ZNF92: variants seen among roughly 807,000 people sequenced by gnomAD.
ZNF92 encodes the protein epididymis luminal protein 203.
ZNF92 carries 11 observed loss-of-function variants against 12.4 expected under a neutral mutation model. That is an observed-to-expected ratio of 0.89 (90% CI 0.56 to 1.47). ZNF92 has a LOEUF of 1.47. ZNF92 is among the 40% of genes most tolerant of loss of function. The pLI is 0.00. For missense variants in ZNF92, 622 were observed against 681.0 expected (o/e 0.91, Z 0.96); for synonymous variants, 206 against 228.6 (o/e 0.90, Z 0.89).
intron 1 of ZNF92, among the ~76,000 whole-genome samples, chr7:65,374,675 C>T (rs1261032478): frequency 6.6e-6 from 1 of 151,914 alleles, no homozygotes; most frequent in African/African-American, 2.4e-5. Context: ...TTTGTTCCCT[C>T]GGTGTTATTT....
At chr7:65,385,547 A>G (rs915378046) in intron 1 of ZNF92, among the ~76,000 whole-genome samples, 3 of 152,140 alleles carry the variant, frequency 2.0e-5, no homozygotes, top group African/African-American at 2.4e-5. Flanking sequence ...AGAGTGCCCC[A>G]TATTTCCATT....
In ZNF92 at chr7:65,400,011, G is replaced by A. The variant is rs1584295667; in HGVS notation, c.*136G>A. 2.2e-5 allele frequency: 17 copies of A among 766,090 alleles called. No individual in the cohort carries two copies. Among genetic ancestry groups the A allele is most frequent in the Middle Eastern group, 4.0e-4 (1 of 2,506 alleles). 47.5% of individuals were successfully genotyped at this position (766,090 alleles called of 1,614,324 possible). A position where few individuals can be genotyped will look rare whatever the true frequency, so the allele number is the denominator to read the frequency against. Reference sequence around the variant, plus strand: ...GATTGTAGGTAAGATAATTTATATTGGAGAAAAATCCTCCAAGTATGAAGA... The same window carrying A: ...GATTGTAGGTAAGATAATTTATATTAGAGAAAAATCCTCCAAGTATGAAGA... On this transcript the variant is annotated 3_prime_UTR_variant, in exon 4 of 4. Coordinates refer to ENST00000328747, the MANE Select transcript of ZNF92 (RefSeq NM_152626.4).
chr7:65,390,022 G>A (rs1274571965), intron 3 of ZNF92, among the ~76,000 whole-genome samples: 2 of 151,964 alleles, frequency 1.3e-5, no homozygotes, highest in African/African-American at 4.8e-5. Flanking sequence ...TAGTAGAGAT[G>A]GGGTTTCACC....
intron 1 of ZNF92, among the ~76,000 whole-genome samples, chr7:65,385,915 A>G (rs1182937530): frequency 6.6e-6 from 1 of 151,990 alleles, no homozygotes; most frequent in African/African-American, 2.4e-5. Context: ...CTGGAATGCC[A>G]TGTGTTTAGT....
intron 3 of ZNF92, among the ~76,000 whole-genome samples, chr7:65,390,777 C>T (rs1051745397): frequency 6.6e-6 from 1 of 151,912 alleles, no homozygotes; most frequent in Non-Finnish European, 1.5e-5. Context: ...AACTGTGGCT[C>T]AGAGAGTTGG....
At chr7:65,387,101 G>C (rs1393034686) in intron 1 of ZNF92, among the ~76,000 whole-genome samples, 1 of 151,242 alleles carries the variant, frequency 6.6e-6, no homozygotes, top group Non-Finnish European at 1.5e-5. Context: ...CACCATGCCC[G>C]GCTAATTTTT....
In ZNF92 at chr7:65,399,938, C is replaced by T; in HGVS notation, c.*63C>T. ...TCTAAACATAAACCATATTGGTGCC[C>T]TAGAAATGTGAGGAATATGACAAGG... On this transcript the variant is annotated 3_prime_UTR_variant, in exon 4 of 4. Transcript: ENST00000328747. 2 of 1,379,754 alleles carry T rather than the reference C, an allele frequency of 1.4e-6. No homozygotes were observed. The highest frequency in any genetic ancestry group is 2.0e-6 in the Non-Finnish European group (2 of 1,020,670). The allele number at this position is 1,379,754 out of a possible 1,614,324, so 85.5% of individuals were successfully genotyped here. A position where few individuals can be genotyped will look rare whatever the true frequency, so the allele number is the denominator to read the frequency against.
chr7:65,396,436 A>T (rs1282081979), intron 3 of ZNF92, among the ~76,000 whole-genome samples: 4 of 152,016 alleles, frequency 2.6e-5, no homozygotes, highest in African/African-American at 9.7e-5. Context: ...TTAAAGTTAA[A>T]ACATTTTCTA....
chr7:65,376,290 T>G (rs185766930), intron 1 of ZNF92, among the ~76,000 whole-genome samples: 1 of 152,232 alleles, frequency 6.6e-6, no homozygotes, highest in African/African-American at 2.4e-5. Context: ...TTATTTTGAC[T>G]TTCATTTTAT....
chr7:65,395,315 A>G (rs977491261), intron 3 of ZNF92, among the ~76,000 whole-genome samples: 2 of 152,114 alleles, frequency 1.3e-5, no homozygotes, highest in African/African-American at 4.8e-5. Context: ...TTGAAATCCC[A>G]GAGTGTTGGG....
intron 1 of ZNF92, among the ~76,000 whole-genome samples, chr7:65,382,533 G>T (rs1304142323): frequency 6.6e-6 from 1 of 151,982 alleles, no homozygotes; most frequent in Non-Finnish European, 1.5e-5. Flanking sequence ...ATCTAGTCCT[G>T]TATAATCACA....
At chr7:65,381,024 T>G (rs1793396535) in intron 1 of ZNF92, among the ~76,000 whole-genome samples, 2 of 152,174 alleles carry the variant, frequency 1.3e-5, no homozygotes, top group South Asian at 4.1e-4. Context: ...TTTTTTCTTT[T>G]CTTTTTGGAG....
At chr7:65,390,236 A>C (rs917374413) in intron 3 of ZNF92, among the ~76,000 whole-genome samples, 4 of 152,144 alleles carry the variant, frequency 2.6e-5, no homozygotes, top group African/African-American at 9.7e-5. Context: ...ATCTACAAAC[A>C]GCAACTTTTT....
chr7:65,400,698 C>T lies in ZNF92; in HGVS notation c.*823C>T, dbSNP rs1026874026. ...GATTTATAATTACATTCAAAGTATA[C>T]TTTTTTCTTGAAAAAAATTACAGAT... On this transcript the variant is annotated 3_prime_UTR_variant, in exon 4 of 4. Transcript: ENST00000328747. The T allele has an allele frequency of 2.6e-5, 4 of 151,716 alleles. No homozygotes were observed. Among genetic ancestry groups the T allele is most frequent in the African/African-American group, 7.3e-5 (3 of 41,318 alleles). 9.4% of individuals were successfully genotyped at this position (151,716 alleles called of 1,614,324 possible). A position where few individuals can be genotyped will look rare whatever the true frequency, so the allele number is the denominator to read the frequency against.
intron 2 of ZNF92, 113 bp downstream of exon 2, chr7:65,388,141 T>G: frequency 8.2e-7 from 1 of 1,222,482 alleles, no homozygotes. Context: ...AGATCCCAGT[T>G]TTCAAGAAAA....
At position 65,398,390 on chromosome 7, in the gene ZNF92, A is replaced by G. The variant is rs1174720967; in HGVS notation, c.276A>G (p.Lys92=). 6.2e-7 allele frequency: 1 copy of G among 1,603,618 alleles called. No individual in the cohort carries two copies. The highest frequency in any genetic ancestry group is 8.5e-7 in the Non-Finnish European group (1 of 1,176,698). ...ATGTTTGGCCAGAGCACAGCATAAA[A>G]GATTCTTTCCAAAAAGTGATACTGA... ...AQDVWPEHSI[K]DSFQKVILRT... is the part of the protein sequence containing the mutation. The change falls in exon 4 of 4, where the codon AAA becomes AAG. Residue 92 remains lysine (K), a synonymous_variant. Transcript: ENST00000328747.
At chr7:65,389,327 T>C (rs1013114643) in intron 3 of ZNF92, among the ~76,000 whole-genome samples, 14 of 152,024 alleles carry the variant, frequency 9.2e-5, no homozygotes, top group Non-Finnish European at 2.1e-4. Flanking sequence ...CCTGAAACTT[T>C]TATTTTGCTC....
chr7:65,399,436 C>G lies in ZNF92; in HGVS notation c.1322C>G (p.Thr441Ser). 1.2e-6 allele frequency: 2 copies of G among 1,611,432 alleles called. No homozygotes were observed. Among genetic ancestry groups the G allele is most frequent in the Middle Eastern group, 1.7e-4 (1 of 6,048 alleles). ...GKAFSWSSAF[T>S]KHKRNHMEDK... is the part of the protein sequence containing the mutation. ...GCCTTTAGCTGGTCCTCAGCTTTTA[C>G]TAAACATAAGAGAAATCATATGGAA... is the stretch of plus-strand genomic sequence containing the variant. The change falls in exon 4 of 4, where the codon ACT becomes AGT. Residue 441 changes from threonine to serine, a missense_variant. Transcript: ENST00000328747.
chr7:65,390,460 G>A lies in ZNF92; in HGVS notation c.226+1559G>A, dbSNP rs1793682853. ...TGTTGGGTTCCCACGGTGATGGGAT[G>A]CCCTCTGGGTTTGTAGTGGAGAGGG... On this transcript the variant is annotated intron_variant, in intron 3 of 3. Transcript: ENST00000328747. 1.3e-5 allele frequency among the ~76,000 whole-genome samples: 2 copies of A among 152,152 alleles called. 1 individual carries two copies. The highest frequency in any genetic ancestry group is 3.9e-4 in the East Asian group (2 of 5,190).
Sources: gnomAD v4.1 joint callset for allele counts (sites outside exome capture counted in the v4.1 genomes callset) on GRCh38, gnomAD v4.1.1 for gene constraint, MANE v1.5 for transcripts, NCBI Gene and HGNC (gene_info 2026-07-23, HGNC 2026-07-21) for gene names.